PCDHA9: variants seen among roughly 807,000 people sequenced by gnomAD.
PCDHA9 encodes protocadherin alpha 9.
PCDHA9 carries 62 observed loss-of-function variants against 62.0 expected under a neutral mutation model. The observed-to-expected ratio is 1.00, with a 90% CI of 0.81 to 1.23. The LOEUF is 1.23. Ranked by LOEUF, PCDHA9 falls within the 50% of genes most tolerant of loss-of-function variation. PCDHA9 has a pLI of 0.00. For synonymous variants in PCDHA9, 557 were observed against 567.6 expected, an observed-to-expected ratio of 0.98 and a Z score of 0.27; for missense variants, 1,205 against 1,249.8, an observed-to-expected ratio of 0.96 and a Z score of 0.54.
At chr5:140,975,130 G>C (rs1445050521) in intron 1 of PCDHA9, among the ~76,000 whole-genome samples, 1 of 152,082 alleles carries the variant, frequency 6.6e-6, no homozygotes, top group Non-Finnish European at 1.5e-5. Flanking sequence ...CTTACTATTG[G>C]CCTGGGGTCA....
chr5:140,877,366 A>G (rs1358364554), intron 1 of PCDHA9: 1 of 1,613,868 alleles, frequency 6.2e-7, no homozygotes, highest in Non-Finnish European at 8.5e-7. Context: ...TGGCGAGATC[A>G]GCACGACACG....
rs199811254 is a variant in PCDHA9 at position 140,877,222 on chromosome 5, T to C, written c.2394+26333T>C. 9.3e-5 allele frequency: 150 copies of C among 1,613,562 alleles called. No homozygotes were observed. Among genetic ancestry groups the C allele is most frequent in the Admixed American group, 2.2e-4 (13 of 59,972 alleles). Reference sequence around the variant, plus strand: ...CGCAGTTAGCGAGTTGGTACCGCGGTCGGTGGGTGCGGGCCACGTGGTGGC... The same window carrying C: ...CGCAGTTAGCGAGTTGGTACCGCGGCCGGTGGGTGCGGGCCACGTGGTGGC... On this transcript the variant is annotated intron_variant, in intron 1 of 3. Transcript: ENST00000532602.
intron 1 of PCDHA9, chr5:140,969,187 G>A (rs1469342094): frequency 1.2e-6 from 2 of 1,614,106 alleles, no homozygotes; most frequent in Non-Finnish European, 8.5e-7. Context: ...ACACTTTCAT[G>A]TTTTACAATA....
chr5:140,869,508 C>G, intron 1 of PCDHA9: 1 of 1,614,196 alleles, frequency 6.2e-7, no homozygotes. Context: ...TGTTCTCGCT[C>G]AGAGAACAAA....
At chr5:140,947,755 G>T (rs1415482913) in intron 1 of PCDHA9, among the ~76,000 whole-genome samples, 1 of 151,450 alleles carries the variant, frequency 6.6e-6, no homozygotes, top group Non-Finnish European at 1.5e-5. Flanking sequence ...GTATTTTATG[G>T]TTTAAAAAAT....
At chr5:140,890,204 CT>C (rs1256018806) in intron 1 of PCDHA9, among the ~76,000 whole-genome samples, 2 of 151,984 alleles carry the variant, frequency 1.3e-5, no homozygotes, top group African/African-American at 4.8e-5. Context: ...TTTTGTTTTT[CT>C]TTTTTCCCAG....
intron 1 of PCDHA9, among the ~76,000 whole-genome samples, chr5:140,900,662 G>C (rs2068213556): frequency 6.6e-6 from 1 of 152,190 alleles, no homozygotes; most frequent in South Asian, 2.1e-4. Flanking sequence ...ATGAACAATG[G>C]GAGTGCAGTT....
chr5:140,927,917 TC>T (rs1554205257), intron 1 of PCDHA9: 2 of 1,614,182 alleles, frequency 1.2e-6, no homozygotes, highest in Non-Finnish European at 8.5e-7. Flanking sequence ...GAACTGGACT[TC>T]CTGACTCTTT....
intron 1 of PCDHA9, chr5:140,929,574 G>A: frequency 2.2e-6 from 1 of 448,534 alleles, no homozygotes; most frequent in Non-Finnish European, 3.9e-6. Flanking sequence ...AACAATAAAA[G>A]TAATATGACA....
chr5:140,851,414 T>G lies in PCDHA9; in HGVS notation c.2394+525T>G, dbSNP rs1459113543. ...TCTATTATTTTAATAAGAAAGAAAC[T>G]TCCCCTAAACTTTAGAAAACAGTTG... On this transcript the variant is annotated intron_variant, in intron 1 of 3. Transcript: ENST00000532602. 11 of 961,418 alleles carry G rather than the reference T, an allele frequency of 1.1e-5. No individual in the cohort carries two copies. In the East Asian group the frequency reaches 1.2e-3, roughly 108 times the overall value. 59.6% of individuals were successfully genotyped at this position (961,418 alleles called of 1,614,324 possible). A position where few individuals can be genotyped will look rare whatever the true frequency, so the allele number is the denominator to read the frequency against.
intron 1 of PCDHA9, among the ~76,000 whole-genome samples, chr5:140,944,577 C>G (rs2093670906): frequency 6.6e-6 from 1 of 152,270 alleles, no homozygotes; most frequent in Admixed American, 6.5e-5. Flanking sequence ...CTGTAGAGAT[C>G]ACTTCAGAAT....
rs200630375 is a variant in PCDHA9, at chr5:140,857,325, C to A, written c.2394+6436C>A. 1.8e-5 allele frequency: 28 copies of A among 1,598,630 alleles called. 3 individuals are homozygous for A. The highest frequency in any genetic ancestry group is 3.4e-5 in the Admixed American group (2 of 59,352). Reference sequence around the variant, plus strand: ...TCGGCCTATGAGCTGGTGGTGACCGCGCGGGACGGGGGCTCGCCTCCGCTG... The same window carrying A: ...TCGGCCTATGAGCTGGTGGTGACCGAGCGGGACGGGGGCTCGCCTCCGCTG... On this transcript the variant is annotated intron_variant, in intron 1 of 3. Transcript: ENST00000532602.
intron 1 of PCDHA9, among the ~76,000 whole-genome samples, chr5:140,896,022 G>A (rs940712653): frequency 6.6e-6 from 1 of 152,136 alleles, no homozygotes; most frequent in East Asian, 1.9e-4. Context: ...TGTTGGCCAG[G>A]CTGGTCTCGA....
rs1243766523 is a variant in PCDHA9 at position 140,848,525 on chromosome 5, G to A, written c.30G>A (p.Glu10=). The change falls in exon 1 of 4, where the codon GAG becomes GAA. Residue 10 remains glutamate, a synonymous_variant. Transcript: ENST00000532602. The part of the protein sequence containing the change: MLYSSRGDP[E]GQPLLLSLLI... ...TATACTCAAGTCGAGGAGATCCAGA[G>A]GGTCAGCCTCTACTGCTCTCGCTTC... 1 of 1,594,042 alleles carries A rather than the reference G, an allele frequency of 6.3e-7. No homozygotes were observed. The highest frequency in any genetic ancestry group is 8.6e-7 in the Non-Finnish European group (1 of 1,164,638).
chr5:140,946,658 A>C (rs2094004902), intron 1 of PCDHA9, among the ~76,000 whole-genome samples: 1 of 147,652 alleles, frequency 6.8e-6, no homozygotes, highest in South Asian at 2.1e-4. Flanking sequence ...CAGCCATTAG[A>C]AAGAATGAAA....
At chr5:140,945,147 T>C (rs1554216774) in intron 1 of PCDHA9, among the ~76,000 whole-genome samples, 1 of 152,154 alleles carries the variant, frequency 6.6e-6, no homozygotes, top group Non-Finnish European at 1.5e-5. Flanking sequence ...ATAGCATTTC[T>C]ATACACTATT....
At chr5:140,997,374 A>G (rs1296402204) in intron 3 of PCDHA9, among the ~76,000 whole-genome samples, 1 of 152,212 alleles carries the variant, frequency 6.6e-6, no homozygotes, top group Non-Finnish European at 1.5e-5. Flanking sequence ...TAGATGATAT[A>G]GCATACTACA....
chr5:140,943,006 C>A (rs1314561126), intron 1 of PCDHA9, among the ~76,000 whole-genome samples: 2 of 151,932 alleles, frequency 1.3e-5, no homozygotes, highest in East Asian at 3.9e-4. Flanking sequence ...CCTGTAATCC[C>A]AGCACTTTGG....
At chr5:140,916,367 C>T (rs1400347792) in intron 1 of PCDHA9, among the ~76,000 whole-genome samples, 2 of 152,196 alleles carry the variant, frequency 1.3e-5, no homozygotes, top group Non-Finnish European at 1.5e-5. Context: ...GAGTCTTTCA[C>T]TGTAGCCACC....
Sources: gnomAD v4.1 joint callset for allele counts (sites outside exome capture counted in the v4.1 genomes callset) on GRCh38, gnomAD v4.1.1 for gene constraint, MANE v1.5 for transcripts, NCBI Gene and HGNC (gene_info 2026-07-23, HGNC 2026-07-21) for gene names.